Variants in XRCC1 observed in about 807,000 individuals in gnomAD.
XRCC1 encodes the protein DNA repair protein XRCC1.
A neutral mutation model predicts 83.3 loss-of-function variants in XRCC1; 52 were observed. That is an observed-to-expected ratio of 0.62 (90% confidence interval 0.50 to 0.79). XRCC1 has a LOEUF of 0.79. Among genes scored for constraint, XRCC1 ranks in the 30% least tolerant of loss-of-function variants. The pLI, the probability that XRCC1 is intolerant of heterozygous loss-of-function variation, is 0.00. For synonymous variants in XRCC1, 281 were observed against 312.6 expected (o/e 0.90, Z 1.07); for missense variants, 793 against 823.5 (o/e 0.96, Z 0.45).
intron 2 of XRCC1, among the ~76,000 whole-genome samples, chr19:43,568,263 A>G (rs1027574652): frequency 6.6e-6 from 1 of 151,978 alleles, no homozygotes; most frequent in African/African-American, 2.4e-5. Flanking sequence ...TTGGGAGGCC[A>G]AGGCAGGAGG....
intron 14 of XRCC1, among the ~76,000 whole-genome samples, chr19:43,545,489 G>A (rs985824953): frequency 1.3e-5 from 2 of 152,140 alleles, no homozygotes; most frequent in Non-Finnish European, 2.9e-5. Context: ...CCAACAGAAC[G>A]GCACCTGAGC....
chr19:43,560,530 A>G (rs2146060846), intron 3 of XRCC1, among the ~76,000 whole-genome samples: 1 of 152,292 alleles, frequency 6.6e-6, no homozygotes, highest in East Asian at 1.9e-4. Context: ...CAAGCTGAGG[A>G]GGGCAGATGG....
At chr19:43,563,385 G>A (rs1317913082) in intron 2 of XRCC1, among the ~76,000 whole-genome samples, 1 of 152,096 alleles carries the variant, frequency 6.6e-6, no homozygotes, top group Non-Finnish European at 1.5e-5. Context: ...CCCAGATACT[G>A]GGGAGGCTGA....
intron 3 of XRCC1, among the ~76,000 whole-genome samples, chr19:43,559,897 C>T (rs1017385262): frequency 2.0e-5 from 3 of 150,840 alleles, no homozygotes; most frequent in Non-Finnish European, 3.0e-5. Flanking sequence ...CTGGGCAACA[C>T]AGTGAAACCC....
chr19:43,547,427 GCC>G (rs1453971435), intron 10 of XRCC1, among the ~76,000 whole-genome samples: 1 of 148,362 alleles, frequency 6.7e-6, no homozygotes, highest in East Asian at 2.0e-4. Context: ...CTCATGCTCT[GCC>G]CCCGTCAGCC....
intron 14 of XRCC1, 74 bp downstream of exon 14, chr19:43,545,744 C>A: frequency 1.9e-6 from 3 of 1,578,646 alleles, no homozygotes; most frequent in Non-Finnish European, 2.6e-6. Flanking sequence ...GACCCCAGGG[C>A]TGGCCAGGGC....
chr19:43,573,478 G>A (rs1972824266), intron 2 of XRCC1, among the ~76,000 whole-genome samples: 1 of 152,182 alleles, frequency 6.6e-6, no homozygotes, highest in East Asian at 1.9e-4. Flanking sequence ...CAGTGGGAGG[G>A]AGAGGAGTGG....
At chr19:43,570,385 A>C (rs1210823956) in intron 2 of XRCC1, among the ~76,000 whole-genome samples, 3 of 152,220 alleles carry the variant, frequency 2.0e-5, no homozygotes, top group Non-Finnish European at 4.4e-5. Flanking sequence ...TACTGCAAAC[A>C]ACCAGGTGTG....
rs773659016 is a variant in XRCC1, at chr19:43,575,486, G to C, written c.-28C>G. 2 of 1,611,286 alleles carry C rather than the reference G, an allele frequency of 1.2e-6. No homozygotes were observed. The highest frequency in any genetic ancestry group is 2.2e-5 in the South Asian group (2 of 90,746). On this transcript the variant is annotated 5_prime_UTR_variant, in exon 1 of 17. Coordinates refer to ENST00000262887, the MANE Select transcript of XRCC1 (RefSeq NM_006297.3). ...CAACGTCGTGGGCTTCGCCTGGCCA[G>C]AAGGATGAGGTAGAGTATGGGGTCC...
At chr19:43,553,832 A>T (rs1318273805) in intron 4 of XRCC1, 149 bp from the exon 5 acceptor site, 13 of 628,080 alleles carry the variant, frequency 2.1e-5, no homozygotes, top group Non-Finnish European at 3.6e-5. Flanking sequence ...TGGTGATGAC[A>T]ATTATAGGAT....
chr19:43,556,611 C>T (rs562210805), intron 3 of XRCC1, among the ~76,000 whole-genome samples: 1 of 152,232 alleles, frequency 6.6e-6, no homozygotes, highest in Non-Finnish European at 1.5e-5. Context: ...CAATACCAGC[C>T]TGGCCAACAT....
Position 43,551,483 on chromosome 19 carries a change from C to T in XRCC1, c.1199+88G>A, listed in dbSNP as rs79128732. 5,720 of 1,191,000 alleles carry T rather than the reference C, an allele frequency of 4.8e-3. 25 individuals are homozygous for T. The highest frequency in any genetic ancestry group is 0.02 in the Middle Eastern group (101 of 5,142). The allele number at this position is 1,191,000 out of a possible 1,614,324, so 73.8% of individuals were successfully genotyped here. On this transcript the variant is annotated intron_variant, in intron 10 of 16. Transcript: ENST00000262887. ...CTGGGCTGGGACCACCTGTGTTCTCCGCTGGCAGGCCCCAGTCTGACTCCC... is the reference window on the plus strand; with the variant it reads ...CTGGGCTGGGACCACCTGTGTTCTCTGCTGGCAGGCCCCAGTCTGACTCCC...
intron 15 of XRCC1, 136 bp downstream of exon 15, chr19:43,544,008 G>A (rs1972482813): frequency 2.3e-6 from 2 of 865,794 alleles, no homozygotes; most frequent in South Asian, 3.4e-5. Flanking sequence ...TCCATGACCT[G>A]TGCCCACCTG....
At chr19:43,552,520 C>A (rs1188897738) in intron 8 of XRCC1, among the ~76,000 whole-genome samples, 2 of 149,686 alleles carry the variant, frequency 1.3e-5, no homozygotes, top group Non-Finnish European at 3.0e-5. Flanking sequence ...AGCCCCTCCT[C>A]CCTCAGACCC....
At chr19:43,557,788 A>G (rs1273733817) in intron 3 of XRCC1, among the ~76,000 whole-genome samples, 1 of 111,666 alleles carries the variant, frequency 9.0e-6, no homozygotes, top group Non-Finnish European at 1.8e-5. Context: ...GCAAAATTCC[A>G]TCTCAAAAAA....
intron 2 of XRCC1, among the ~76,000 whole-genome samples, chr19:43,572,562 G>C (rs1316220724): frequency 1.3e-5 from 2 of 152,180 alleles, no homozygotes; most frequent in Admixed American, 1.3e-4. Context: ...CCAACATTTT[G>C]GGAGGCCAAG....
At chr19:43,546,533 C>T in intron 12 of XRCC1, 62 bp downstream of exon 12, 1 of 1,556,242 alleles carries the variant, frequency 6.4e-7, no homozygotes, top group South Asian at 1.2e-5. Context: ...GCCCAGGCCG[C>T]AGGCCCTCCT....
intron 2 of XRCC1, 96 bp from the exon 3 acceptor site, chr19:43,561,116 T>C (rs1972694859): frequency 2.0e-6 from 2 of 979,900 alleles, no homozygotes; most frequent in Non-Finnish European, 3.3e-6. Flanking sequence ...ACCATGTCCC[T>C]GTAATGTCAA....
Position 43,561,237 on chromosome 19 carries a change from G to A in XRCC1, c.145-217C>T, listed in dbSNP as rs373065707. ...AAATAGTCACTGAATGAATGCATAC[G>A]CGCCCACCTCACACATACCTGCTTC... On this transcript the variant is annotated intron_variant, in intron 2 of 16. Transcript: ENST00000262887. Among the ~76,000 whole-genome samples, 39 of 152,296 alleles carry A rather than the reference G, an allele frequency of 2.6e-4. 1 individual carries two copies. The South Asian group carries it at 7.5e-3, about 29-fold the overall frequency.
Sources: allele counts gnomAD v4.1 joint callset (sites outside exome capture counted in the v4.1 genomes callset), GRCh38; gene constraint gnomAD v4.1.1; transcripts MANE v1.5; gene names NCBI Gene and HGNC (gene_info 2026-07-23, HGNC 2026-07-21).